Variants in ARHGAP45 observed in about 807,000 individuals in gnomAD.
ARHGAP45 encodes Rho GTPase activating protein 45.
A neutral mutation model predicts 116.1 loss-of-function variants in ARHGAP45; 56 were observed. The ratio of observed to expected loss-of-function variants is 0.48; its 90% CI spans 0.39 to 0.60. The LOEUF (loss-of-function observed/expected upper bound fraction) is 0.60. ARHGAP45 is among the 20% of genes least tolerant of loss of function. The probability of loss-of-function intolerance (pLI) is 0.00; values close to 1 mark genes in which losing one functional copy is unlikely to be tolerated. For synonymous variants in ARHGAP45, 866 were observed against 701.7 expected (o/e 1.23, Z -3.70); for missense variants, 1,622 against 1,601.0 (o/e 1.01, Z -0.22).
chr19:1,068,401 G>A lies in ARHGAP45; in HGVS notation c.91-13G>A. The A allele has an allele frequency of 6.6e-7, 1 of 1,526,650 alleles. No homozygotes were observed. 94.6% of individuals were successfully genotyped at this position (1,526,650 alleles called of 1,614,324 possible). A position where few individuals can be genotyped will look rare whatever the true frequency, so the allele number is the denominator to read the frequency against. On this transcript the variant is annotated splice_polypyrimidine_tract_variant and intron_variant, in intron 1 of 22. Transcript: ENST00000313093. This position sits in a 1 kb window ranked among gnomAD's most constrained non-coding sequence, Gnocchi z 7.5. ...AAAATCCCTTTAACGAGCTCCCCTCGGACCTGCCCAAGGAGCTGCCCAGGA... is the reference window on the plus strand; with the variant it reads ...AAAATCCCTTTAACGAGCTCCCCTCAGACCTGCCCAAGGAGCTGCCCAGGA...
At chr19:1,067,965 T>A (rs1366406929) in intron 1 of ARHGAP45, among the ~76,000 whole-genome samples, 1 of 58,590 alleles carries the variant, frequency 1.7e-5, no homozygotes, top group Non-Finnish European at 3.2e-5. Flanking sequence ...GGGGGGGGGG[T>A]CTACAGAGCT....
intron 22 of ARHGAP45, among the ~76,000 whole-genome samples, chr19:1,084,547 C>G (rs1238459188): frequency 6.6e-6 from 1 of 152,224 alleles, no homozygotes; most frequent in Admixed American, 6.5e-5. Flanking sequence ...CAAGGCAGTG[C>G]CTTTTGAGGT....
At position 1,084,296 on chromosome 19, in the gene ARHGAP45, G is replaced by A; in HGVS notation, c.3014G>A (p.Gly1005Asp). The A allele has an allele frequency of 6.2e-7, 1 of 1,612,890 alleles. No individual in the cohort carries two copies. Among genetic ancestry groups the A allele is most frequent in the Non-Finnish European group, 8.5e-7 (1 of 1,179,624 alleles). ...GTCCAGGTGCCGTACCTGGAGGCGG[G>A]CGAGGCGGTGGTCTACCCGCTGCAG... Reference protein sequence around the residue: ...VVVQVPYLEAGEAVVYPLQEA... With the variant: ...VVVQVPYLEADEAVVYPLQEA... Residue 1005 changes from glycine (G) to aspartate (D), a missense_variant, in exon 22 of 23, where the codon GGC becomes GAC. By Grantham distance (94) the Gly-to-Asp change is moderately conservative. Coordinates refer to ENST00000313093, the MANE Select transcript of ARHGAP45 (RefSeq NM_012292.5).
rs2043440637 is a variant in ARHGAP45, at chr19:1,081,711, G to T, written c.2352G>T (p.Glu784Asp). ...TCATCGTCAAGAAGTGCGTCTGCGA[G>T]ATCGAGCGGCGGGCGCTGCGCACCA... The part of the protein sequence containing the change: ...VPFIVKKCVC[E>D]IERRALRTKG... Residue 784 changes from glutamate (E) to aspartate (D), a missense_variant, in exon 18 of 23, where the codon GAG (glutamate) becomes GAT (aspartate). This residue lies in a region of ARHGAP45 where 1,334 missense variants were observed against 1,263.8 expected (regional missense o/e 1.06). Coordinates refer to ENST00000313093, the MANE Select transcript of ARHGAP45 (RefSeq NM_012292.5). 6.3e-7 allele frequency: 1 copy of T among 1,586,876 alleles called. No homozygotes were observed. Among genetic ancestry groups the T allele is most frequent in the East Asian group, 2.3e-5 (1 of 43,896 alleles).
intron 10 of ARHGAP45, among the ~76,000 whole-genome samples, chr19:1,075,794 T>C (rs1444205594): frequency 2.0e-5 from 3 of 152,170 alleles, no homozygotes; most frequent in Non-Finnish European, 2.9e-5. Flanking sequence ...TTTTGTATTT[T>C]TTGTATACTC....
rs1387841295 is a variant in ARHGAP45, at chr19:1,069,915, C to G, written c.421+1171C>G. Among the ~76,000 whole-genome samples the G allele has an allele frequency of 6.6e-6, 1 of 151,552 alleles. No homozygotes were observed. The highest frequency in any genetic ancestry group is 2.4e-5 in the African/African-American group (1 of 41,184). On this transcript the variant is annotated intron_variant, in intron 2 of 22. Coordinates refer to ENST00000313093, the MANE Select transcript of ARHGAP45 (RefSeq NM_012292.5). This position sits in a 1 kb window ranked among gnomAD's most constrained non-coding sequence, Gnocchi z 4.1. The stretch of plus-strand genomic sequence containing the variant: ...CACTGTTACCTTGAACTCCTGGGCT[C>G]AAGCCATCCTCCTACCTCTGCCTCC...
chr19:1,085,601 C>T (rs1053243574), intron 22 of ARHGAP45, 59 bp from the exon 23 acceptor site: 14 of 1,307,452 alleles, frequency 1.1e-5, no homozygotes, highest in African/African-American at 7.5e-5. Flanking sequence ...TGTCCCTCCC[C>T]TTGTCTCTCC....
intron 17 of ARHGAP45, 126 bp downstream of exon 17, chr19:1,081,190 G>A (rs1213428250): frequency 1.8e-6 from 2 of 1,102,684 alleles, no homozygotes; most frequent in African/African-American, 1.6e-5. Flanking sequence ...GCCTTTGGAA[G>A]GAAGCGAACG....
Position 1,071,360 on chromosome 19 carries a change from T to C in ARHGAP45, c.422-1789T>C. On this transcript the variant is annotated intron_variant, in intron 2 of 22. Coordinates refer to ENST00000313093, the MANE Select transcript of ARHGAP45 (RefSeq NM_012292.5). This position sits in a 1 kb window ranked among gnomAD's most constrained non-coding sequence, Gnocchi z 4.6. ...TGCGCTGCCGGGCGGGCCCCCGAGGTGAGGGGACAGGTGCCGGGCGCTGGG... is the reference window on the plus strand; with the variant it reads ...TGCGCTGCCGGGCGGGCCCCCGAGGCGAGGGGACAGGTGCCGGGCGCTGGG... 1 of 1,322,376 alleles carries C rather than the reference T, an allele frequency of 7.6e-7. No individual in the cohort carries two copies. Among genetic ancestry groups the C allele is most frequent in the Non-Finnish European group, 9.6e-7 (1 of 1,039,210 alleles). 81.9% of individuals were successfully genotyped at this position (1,322,376 alleles called of 1,614,324 possible).
intron 10 of ARHGAP45, among the ~76,000 whole-genome samples, 157 bp downstream of exon 10, chr19:1,075,036 A>AC (rs1491329463): frequency 9.0e-6 from 1 of 110,968 alleles, no homozygotes; most frequent in African/African-American, 2.9e-5. Flanking sequence ...CGCCCCCCCC[A>AC]ACGCCAAGCC....
chr19:1,068,463 T>C lies in ARHGAP45; in HGVS notation c.140T>C (p.Leu47Pro). 6.3e-7 allele frequency: 1 copy of C among 1,582,910 alleles called. No individual in the cohort carries two copies. Among genetic ancestry groups the C allele is most frequent in the Non-Finnish European group, 8.6e-7 (1 of 1,165,044 alleles). ...GADAVFPGPSLEPPAGSSGVK... is the reference protein window; with the variant it reads ...GADAVFPGPSPEPPAGSSGVK... ...GACGCGGTGTTCCCCGGACCAAGCC[T>C]GGAGCCGCCCGCTGGGTCCTCCGGC... The change falls in exon 2 of 23, where the codon CTG (leucine) becomes CCG (proline). Residue 47 changes from leucine (L) to proline (P), a missense_variant. Physicochemically the swap from Leu to Pro is moderately conservative, Grantham distance 98 (BLOSUM62 -3). Transcript: ENST00000313093. This position sits in a 1 kb window ranked among gnomAD's most constrained non-coding sequence, Gnocchi z 7.5.
chr19:1,077,136 C>G (rs759006025), intron 10 of ARHGAP45: 1 of 985,342 alleles, frequency 1.0e-6, no homozygotes, highest in Non-Finnish European at 1.2e-6. Flanking sequence ...GCTCTTCCTG[C>G]CAACCTGTGG....
At position 1,071,153 on chromosome 19, in the gene ARHGAP45, G is replaced by C. The variant is rs564082456; in HGVS notation, c.422-1996G>C. 6.6e-5 allele frequency: 85 copies of C among 1,297,514 alleles called. No homozygotes were observed. In the African/African-American group the frequency reaches 1.3e-3, roughly 19 times the overall value. 80.4% of individuals were successfully genotyped at this position (1,297,514 alleles called of 1,614,324 possible). ...AGGAAGGACCCAGGCTGGGGCGAAC[G>C]GGACCCCAGGGCGGGGTTTCCCTCG... On this transcript the variant is annotated intron_variant, in intron 2 of 22. Coordinates refer to ENST00000313093, the MANE Select transcript of ARHGAP45 (RefSeq NM_012292.5). The surrounding 1 kb of genome is among the most constrained non-coding windows in gnomAD (Gnocchi z 4.6).
At position 1,080,343 on chromosome 19, in the gene ARHGAP45, G is replaced by A. The variant is rs765111319; in HGVS notation, c.1792G>A (p.Gly598Arg). The A allele has an allele frequency of 1.2e-6, 2 of 1,608,808 alleles. No individual in the cohort carries two copies. The highest frequency in any genetic ancestry group is 1.7e-6 in the Non-Finnish European group (2 of 1,179,080). ...EAAGSPPEEG[G>R]CTEGTPAKDH... is the part of the protein sequence containing the mutation. ...TGCCGGGAGCCCCCCAGAAGAAGGC[G>A]GGTGCACTGAGGGCACACCTGCCAA... is the stretch of plus-strand genomic sequence containing the variant. Residue 598 changes from glycine to arginine, a missense_variant, in exon 14 of 23, where the codon GGG (glycine) becomes AGG (arginine). This residue lies in a region of ARHGAP45 where 1,334 missense variants were observed against 1,263.8 expected (regional missense o/e 1.06). Transcript: ENST00000313093.
Position 1,071,231 on chromosome 19 carries a change from C to A in ARHGAP45, c.422-1918C>A. ...AGCCGGTTTGGCCACCGGAGACCCC[C>A]ATCGGTCAGCTGCCAGGCCCCACGC... On this transcript the variant is annotated intron_variant, in intron 2 of 22. Coordinates refer to ENST00000313093, the MANE Select transcript of ARHGAP45 (RefSeq NM_012292.5). This position sits in a 1 kb window ranked among gnomAD's most constrained non-coding sequence, Gnocchi z 4.6. The A allele has an allele frequency of 6.8e-7, 1 of 1,463,356 alleles. No homozygotes were observed. Among genetic ancestry groups the A allele is most frequent in the Non-Finnish European group, 9.0e-7 (1 of 1,110,260 alleles). 90.6% of individuals were successfully genotyped at this position (1,463,356 alleles called of 1,614,324 possible).
chr19:1,078,066 G>C lies in ARHGAP45; in HGVS notation c.1374+21G>C, dbSNP rs1337926477. 2.6e-6 allele frequency: 4 copies of C among 1,539,616 alleles called. No individual in the cohort carries two copies. The South Asian group carries it at 4.8e-5, about 18-fold the overall frequency. On this transcript the variant is annotated intron_variant, in intron 11 of 22. Coordinates refer to ENST00000313093, the MANE Select transcript of ARHGAP45 (RefSeq NM_012292.5). The stretch of plus-strand genomic sequence containing the variant: ...ACAAGGTGAGGGCGGGTGGAGGCAG[G>C]GCTGGAGGTCCCTGGAGGAGGAGAT...
At position 1,074,798 on chromosome 19, in the gene ARHGAP45, G is replaced by T; in HGVS notation, c.1105-1G>T. On this transcript the variant is annotated splice_acceptor_variant, in intron 9 of 22. Transcript: ENST00000313093. LOFTEE classifies it high-confidence loss of function. The stretch of plus-strand genomic sequence containing the variant: ...CCCACTCACGGCCCGTCTCGCCCCA[G>T]CCCCTGACCCTGCGGCGGCTTGAAC... 1 of 1,555,140 alleles carries T rather than the reference G, an allele frequency of 6.4e-7. No individual in the cohort carries two copies. The highest frequency in any genetic ancestry group is 8.7e-7 in the Non-Finnish European group (1 of 1,146,792).
intron 1 of ARHGAP45, 121 bp downstream of exon 1, chr19:1,067,616 A>C (rs1330943338): frequency 1.0e-6 from 1 of 956,532 alleles, no homozygotes; most frequent in Admixed American, 2.0e-5. Context: ...TACAGCCCCT[A>C]CCGGGCGGGA....
rs2043094758 is a variant in ARHGAP45, at chr19:1,069,232, C to G, written c.421+488C>G. 6.6e-6 allele frequency among the ~76,000 whole-genome samples: 1 copy of G among 152,102 alleles called. No homozygotes were observed. Among genetic ancestry groups the G allele is most frequent in the Non-Finnish European group, 1.5e-5 (1 of 68,014 alleles). On this transcript the variant is annotated intron_variant, in intron 2 of 22. Coordinates refer to ENST00000313093, the MANE Select transcript of ARHGAP45 (RefSeq NM_012292.5). This position sits in a 1 kb window ranked among gnomAD's most constrained non-coding sequence, Gnocchi z 4.1. The stretch of plus-strand genomic sequence containing the variant: ...TCTGGGTGGAGAGAGATTCAGGAGG[C>G]ATGGCGAGGGGCAGGATGGGGTCAT...
Sources: gnomAD v4.1 joint callset for allele counts (sites outside exome capture counted in the v4.1 genomes callset) on GRCh38, gnomAD v4.1.1 for gene constraint, gnomAD v4.1.1 regional missense constraint, Gnocchi (gnomAD v3.1) non-coding constraint, MANE v1.5 for transcripts, NCBI Gene and HGNC (gene_info 2026-07-23, HGNC 2026-07-21) for gene names.